The following ELAVL2 variants were observed in gnomAD, a reference collection of about 807,000 sequenced individuals.
The protein encoded by ELAVL2 is ELAV like RNA binding protein 2.
Under a neutral mutation model 34.6 loss-of-function variants are expected in ELAVL2, and 4 were observed. That is an observed-to-expected ratio of 0.12 (90% CI 0.06 to 0.26). ELAVL2 has a LOEUF of 0.26. Ranked by LOEUF, ELAVL2 falls within the 10% of genes least tolerant of loss-of-function variation. The probability of loss-of-function intolerance (pLI) is 1.00; values close to 1 mark genes in which losing one functional copy is unlikely to be tolerated. For missense variants in ELAVL2, 432 were observed against 442.8 expected (o/e 0.98, Z 0.22); for synonymous variants, 193 against 154.8 (o/e 1.25, Z -1.83).
At chr9:23,729,116 G>A (rs953865373) in intron 3 of ELAVL2, among the ~76,000 whole-genome samples, 1 of 152,166 alleles carries the variant, frequency 6.6e-6, no homozygotes, top group Non-Finnish European at 1.5e-5. Flanking sequence ...CATTTCTCCT[G>A]TGGAGACCTA....
At chr9:23,719,099 G>T (rs765813397) in intron 3 of ELAVL2, among the ~76,000 whole-genome samples, 2 of 152,182 alleles carry the variant, frequency 1.3e-5, no homozygotes, top group African/African-American at 2.4e-5. Flanking sequence ...GGGGCAGCGA[G>T]GAGGGGAACT....
In ELAVL2 at chr9:23,759,024, T is replaced by G. The variant is rs1455521069; in HGVS notation, c.229+2982A>C. Among the ~76,000 whole-genome samples, 3 of 151,836 alleles carry G rather than the reference T, an allele frequency of 2.0e-5. No individual in the cohort carries two copies. The East Asian group carries it at 5.8e-4, about 29-fold the overall frequency. Reference sequence around the variant, plus strand: ...ATGGTATGAAAGTTCCTCAAAAAATTAAAAACAGAACTACCGTATGATCCA... The same window carrying G: ...ATGGTATGAAAGTTCCTCAAAAAATGAAAAACAGAACTACCGTATGATCCA... On this transcript the variant is annotated intron_variant, in intron 2 of 6. Coordinates refer to ENST00000397312, the MANE Select transcript of ELAVL2 (RefSeq NM_004432.5).
At position 23,740,277 on chromosome 9, in the gene ELAVL2, C is replaced by T. The variant is rs143553258; in HGVS notation, c.230-9152G>A. 3.9e-3 allele frequency among the ~76,000 whole-genome samples: 589 copies of T among 152,298 alleles called. 2 individuals are homozygous for T. The highest frequency in any genetic ancestry group is 0.013 in the African/African-American group (556 of 41,564). ...TAGGATCCTTACATTACATATATCA[C>T]ATTTAATTCTCACCACAAGGCTACA... On this transcript the variant is annotated intron_variant, in intron 2 of 6. Transcript: ENST00000397312.
chr9:23,747,161 C>CTTT (rs112771338), intron 2 of ELAVL2, among the ~76,000 whole-genome samples: 2 of 149,802 alleles, frequency 1.3e-5, no homozygotes, highest in Admixed American at 6.7e-5. Context: ...ATATACACTA[C>CTTT]TTTTTTTTTT....
chr9:23,766,084 T>C (rs2056193974), intron 1 of ELAVL2, among the ~76,000 whole-genome samples: 1 of 152,204 alleles, frequency 6.6e-6, no homozygotes, highest in Admixed American at 6.5e-5. Context: ...AAAATGTCTT[T>C]TACTTATTGA....
chr9:23,755,539 TAA>T (rs1192308148), intron 2 of ELAVL2, among the ~76,000 whole-genome samples: 3 of 152,142 alleles, frequency 2.0e-5, no homozygotes, highest in Non-Finnish European at 4.4e-5. Context: ...AAGATATAAA[TAA>T]AGTTTCTCCA....
At chr9:23,831,454 G>C in the ELAVL2 span, 2 of 152,288 alleles carry the variant, frequency 1.3e-5, no homozygotes, top group Non-Finnish European at 2.9e-5. Context: ...TGCCGGCACC[G>C]GGCCACGGTG....
intron 1 of ELAVL2, among the ~76,000 whole-genome samples, chr9:23,766,830 T>C (rs1358760465): frequency 1.3e-5 from 2 of 152,148 alleles, no homozygotes; most frequent in Non-Finnish European, 1.5e-5. Context: ...TCTGCTCTAC[T>C]CAATCTACCA....
chr9:23,786,585 A>T (rs2059705142), intron 1 of ELAVL2, among the ~76,000 whole-genome samples: 1 of 152,122 alleles, frequency 6.6e-6, no homozygotes, highest in South Asian at 2.1e-4. Context: ...ACTGGTGTTG[A>T]TCTGCCCTTT....
intron 1 of ELAVL2, among the ~76,000 whole-genome samples, chr9:23,766,249 C>T (rs898578057): frequency 4.6e-5 from 7 of 152,134 alleles, no homozygotes; most frequent in Non-Finnish European, 8.8e-5. Context: ...TTTTACTCTT[C>T]TTCCGTTCTC....
At chr9:23,800,831 C>T (rs565347310) in intron 1 of ELAVL2, among the ~76,000 whole-genome samples, 1 of 152,106 alleles carries the variant, frequency 6.6e-6, no homozygotes, top group Non-Finnish European at 1.5e-5. Flanking sequence ...GATACGGGTG[C>T]CTTCAAGGGC....
chr9:23,762,427 T>C (rs2055247674), intron 1 of ELAVL2, among the ~76,000 whole-genome samples, 178 bp from the exon 2 acceptor site: 1 of 152,126 alleles, frequency 6.6e-6, no homozygotes, highest in Non-Finnish European at 1.5e-5. Context: ...CCTATTCATC[T>C]TAAGGTTACA....
chr9:23,778,167 A>C (rs1035997184), intron 1 of ELAVL2, among the ~76,000 whole-genome samples: 1 of 152,200 alleles, frequency 6.6e-6, no homozygotes, highest in African/African-American at 2.4e-5. Context: ...AAAACAAAAA[A>C]TAAAAAGCCA....
intron 2 of ELAVL2, among the ~76,000 whole-genome samples, chr9:23,731,565 C>A (rs717719): frequency 0.19 from 29,286 of 152,070 alleles, 3,075 homozygotes; most frequent in Admixed American, 0.27. Context: ...GTAAATTGTA[C>A]CCTGACATAT....
intron 2 of ELAVL2, among the ~76,000 whole-genome samples, chr9:23,744,586 T>G (rs1343163503): frequency 6.6e-6 from 1 of 152,168 alleles, no homozygotes; most frequent in Middle Eastern, 3.4e-3. Flanking sequence ...GTTATCCTAA[T>G]TGACAACAAC....
chr9:23,751,895 C>A (rs114917547), intron 2 of ELAVL2, among the ~76,000 whole-genome samples: 1 of 152,118 alleles, frequency 6.6e-6, no homozygotes, highest in South Asian at 2.1e-4. Flanking sequence ...TATCATTAAT[C>A]ATCATTCTGG....
At chr9:23,693,837 C>G (rs1047837398) in intron 5 of ELAVL2, among the ~76,000 whole-genome samples, 1 of 152,176 alleles carries the variant, frequency 6.6e-6, no homozygotes, top group African/African-American at 2.4e-5. Flanking sequence ...CTTTATACTA[C>G]TTTTGATTTT....
intron 2 of ELAVL2, chr9:23,735,105 C>CAAAAAAAAAAAAAAAAAAAAAAAAAG: frequency 3.6e-5 from 1 of 27,952 alleles, no homozygotes; most frequent in Non-Finnish European, 6.5e-5. Flanking sequence ...TAAGGCTCTT[C>CAAAAAAAAAAAAAAAAAAAAAAAAAG]AAAAAAAAAA....
intron 1 of ELAVL2, among the ~76,000 whole-genome samples, chr9:23,771,487 T>C (rs980493419): frequency 1.3e-5 from 2 of 152,038 alleles, no homozygotes; most frequent in Non-Finnish European, 2.9e-5. Context: ...TTTATAAATA[T>C]TAAATCCAGA....
Sources: allele counts gnomAD v4.1 joint callset (sites outside exome capture counted in the v4.1 genomes callset), GRCh38; gene constraint gnomAD v4.1.1; transcripts MANE v1.5; gene names NCBI Gene and HGNC (gene_info 2026-07-23, HGNC 2026-07-21).